The following SLIT2 variants were observed in gnomAD, a reference collection of about 807,000 sequenced individuals.
SLIT2 encodes slit homolog 2 protein.
In SLIT2, 41 loss-of-function variants were observed where a neutral mutation model predicts 185.7. The ratio of observed to expected loss-of-function variants is 0.22; its 90% CI spans 0.17 to 0.29. The LOEUF (loss-of-function observed/expected upper bound fraction) is 0.29, where lower values mean the gene tolerates loss of function less well. Ranked by LOEUF, SLIT2 falls within the 10% of genes least tolerant of loss-of-function variation. The pLI is 1.00. For synonymous variants in SLIT2, 693 were observed against 680.2 expected (o/e 1.02, Z -0.29); for missense variants, 1,571 against 1,909.0 (o/e 0.82, Z 3.30).
chr4:20,573,337 C>G (rs949924700), intron 29 of SLIT2: 1 of 700,900 alleles, frequency 1.4e-6, no homozygotes, highest in Non-Finnish European at 2.6e-6. Flanking sequence ...GATTTCACTG[C>G]GGGTACACAG....
intron 26 of SLIT2, 27 bp downstream of exon 26, chr4:20,553,995 T>G: frequency 6.5e-7 from 1 of 1,528,062 alleles, no homozygotes; most frequent in South Asian, 1.3e-5. Context: ...TTTGTATTTC[T>G]TTTAAGAATT....
intron 4 of SLIT2, among the ~76,000 whole-genome samples, chr4:20,373,930 A>G (rs2109324306): frequency 6.6e-6 from 1 of 152,214 alleles, no homozygotes; most frequent in African/African-American, 2.4e-5. Context: ...TGAGCAGCTT[A>G]TAGAAGAAAG....
At chr4:20,566,501 T>A (rs747618500) in intron 26 of SLIT2, among the ~76,000 whole-genome samples, 11 of 152,050 alleles carry the variant, frequency 7.2e-5, no homozygotes, top group South Asian at 2.1e-4. Flanking sequence ...TGTGGCTAAA[T>A]ATGCATTTAA....
rs990179631 is a variant in SLIT2, at chr4:20,257,958, A to G, written c.323+19A>G. On this transcript the variant is annotated intron_variant, in intron 3 of 36. Coordinates refer to ENST00000504154, the MANE Select transcript of SLIT2 (RefSeq NM_004787.4). ...AGAGACTGTAAGTATTTTCAATTCC[A>G]AAGTTATGACAACATAACTGTGTTT... The G allele has an allele frequency of 4.2e-6, 5 of 1,195,438 alleles. No homozygotes were observed. Among genetic ancestry groups the G allele is most frequent in the Non-Finnish European group, 6.1e-6 (5 of 815,228 alleles). The allele number at this position is 1,195,438 out of a possible 1,614,324, so 74.1% of individuals were successfully genotyped here.
intron 5 of SLIT2, among the ~76,000 whole-genome samples, chr4:20,469,670 C>T (rs1714750629): frequency 6.6e-6 from 1 of 151,036 alleles, no homozygotes; most frequent in Admixed American, 6.6e-5. Flanking sequence ...GAGTTTAAGA[C>T]TGGAGTCTCA....
intron 18 of SLIT2, among the ~76,000 whole-genome samples, chr4:20,533,919 G>A (rs1722035428): frequency 8.4e-6 from 1 of 118,812 alleles, no homozygotes; most frequent in African/African-American, 3.4e-5. Context: ...CAATATTCCT[G>A]CCTTCGATGT....
At chr4:20,311,455 C>A (rs549618619) in intron 4 of SLIT2, among the ~76,000 whole-genome samples, 3 of 152,048 alleles carry the variant, frequency 2.0e-5, no homozygotes, top group Non-Finnish European at 4.4e-5. Context: ...ATCGATGTAA[C>A]AAGTTATTAT....
At chr4:20,259,742 A>G (rs1236094562) in intron 3 of SLIT2, among the ~76,000 whole-genome samples, 2 of 151,824 alleles carry the variant, frequency 1.3e-5, no homozygotes, top group Non-Finnish European at 3.0e-5. Flanking sequence ...ACAATTTTCT[A>G]TTCTACTAAG....
chr4:20,359,992 C>G (rs916093353), intron 4 of SLIT2, among the ~76,000 whole-genome samples: 1 of 151,992 alleles, frequency 6.6e-6, no homozygotes, highest in Non-Finnish European at 1.5e-5. Flanking sequence ...ATTCAGTGAG[C>G]AGCACAGTGG....
chr4:20,312,917 A>AT (rs1404340627), intron 4 of SLIT2, among the ~76,000 whole-genome samples: 1 of 152,038 alleles, frequency 6.6e-6, no homozygotes, highest in African/African-American at 2.4e-5. Context: ...TTTTCATGGA[A>AT]TTTTGTCTAT....
chr4:20,301,549 A>G (rs544033684), intron 4 of SLIT2, among the ~76,000 whole-genome samples: 1 of 152,232 alleles, frequency 6.6e-6, no homozygotes, highest in South Asian at 2.1e-4. Context: ...CCCTACTTTT[A>G]ATTGAAGAGC....
intron 4 of SLIT2, among the ~76,000 whole-genome samples, chr4:20,377,158 A>G (rs1266169958): frequency 1.3e-5 from 2 of 152,170 alleles, no homozygotes; most frequent in Non-Finnish European, 2.9e-5. Context: ...CATATTAACA[A>G]TATTAACAAA....
At chr4:20,414,548 C>A (rs1388067231) in intron 4 of SLIT2, among the ~76,000 whole-genome samples, 1 of 152,096 alleles carries the variant, frequency 6.6e-6, no homozygotes, top group African/African-American at 2.4e-5. Context: ...ACTAGCAACA[C>A]CTTTTTTAAA....
chr4:20,546,751 A>C (rs1315195442), intron 22 of SLIT2, among the ~76,000 whole-genome samples: 1 of 152,090 alleles, frequency 6.6e-6, no homozygotes, highest in African/African-American at 2.4e-5. Flanking sequence ...AGATATTTAA[A>C]TATACAAACA....
At chr4:20,536,567 A>C (rs1283830016) in intron 18 of SLIT2, among the ~76,000 whole-genome samples, 1 of 150,852 alleles carries the variant, frequency 6.6e-6, no homozygotes, top group Non-Finnish European at 1.5e-5. Context: ...GCAAAAAAAA[A>C]AAAAAAAAAA....
At chr4:20,523,407 G>A (rs1236128041) in intron 12 of SLIT2, among the ~76,000 whole-genome samples, 1 of 111,766 alleles carries the variant, frequency 8.9e-6, no homozygotes. Context: ...AGTGTCCTGA[G>A]GGATTAATGA....
At chr4:20,326,243 T>G (rs1719573366) in intron 4 of SLIT2, among the ~76,000 whole-genome samples, 1 of 152,128 alleles carries the variant, frequency 6.6e-6, no homozygotes, top group African/African-American at 2.4e-5. Context: ...AGACAAATTT[T>G]GATTGTCATA....
At chr4:20,533,855 T>TACACACCACTACACACAC in intron 18 of SLIT2, 140 bp downstream of exon 18, 1 of 616,150 alleles carries the variant, frequency 1.6e-6, no homozygotes, top group Middle Eastern at 4.2e-4. Flanking sequence ...TACACACACA[T>TACACACCACTACACACAC]ACACACCGCT....
chr4:20,443,423 A>G (rs1729918281), intron 4 of SLIT2, among the ~76,000 whole-genome samples: 1 of 152,080 alleles, frequency 6.6e-6, no homozygotes, highest in Middle Eastern at 3.2e-3. Context: ...AAGGCATGGA[A>G]ATGATACATT....
Sources: gnomAD v4.1 joint callset for allele counts (sites outside exome capture counted in the v4.1 genomes callset) on GRCh38, gnomAD v4.1.1 for gene constraint, MANE v1.5 for transcripts, NCBI Gene and HGNC (gene_info 2026-07-23, HGNC 2026-07-21) for gene names.